The following CACNA2D1 variants were observed in gnomAD, a reference collection of about 807,000 sequenced individuals.
CACNA2D1 encodes voltage-dependent calcium channel subunit alpha-2/delta-1.
CACNA2D1 carries 53 observed loss-of-function variants against 171.5 expected under a neutral mutation model. That is an observed-to-expected ratio of 0.31 (90% CI 0.25 to 0.39). The LOEUF is 0.39. CACNA2D1 is among the 10% of genes least tolerant of loss of function. The pLI is 1.00. For missense variants in CACNA2D1, 903 were observed against 1,299.8 expected (o/e 0.69, Z 4.69); for synonymous variants, 442 against 443.1 (o/e 1.00, Z 0.03).
chr7:82,339,205 C>T (rs1818330928), intron 2 of CACNA2D1, among the ~76,000 whole-genome samples: 1 of 152,168 alleles, frequency 6.6e-6, no homozygotes, highest in African/African-American at 2.4e-5. Flanking sequence ...AAGAGGCTAA[C>T]CTTCAAGTGA....
At chr7:82,084,279 A>C (rs1210910885) in intron 7 of CACNA2D1, among the ~76,000 whole-genome samples, 1 of 152,074 alleles carries the variant, frequency 6.6e-6, no homozygotes, top group Non-Finnish European at 1.5e-5. Context: ...ATAACCTGAC[A>C]CATAAGAAAA....
chr7:82,417,647 G>A (rs1340695407), intron 1 of CACNA2D1, among the ~76,000 whole-genome samples: 1 of 152,088 alleles, frequency 6.6e-6, no homozygotes, highest in East Asian at 1.9e-4. Context: ...TTTCAACCCA[G>A]GGTGATTTTG....
chr7:82,099,294 T>C (rs991849004), intron 6 of CACNA2D1, among the ~76,000 whole-genome samples: 1 of 152,130 alleles, frequency 6.6e-6, no homozygotes, highest in Non-Finnish European at 1.5e-5. Context: ...CCATTCACTA[T>C]TCCTAGATGT....
intron 1 of CACNA2D1, among the ~76,000 whole-genome samples, chr7:82,369,128 T>C (rs1027173699): frequency 1.3e-5 from 2 of 152,140 alleles, no homozygotes; most frequent in Non-Finnish European, 2.9e-5. Flanking sequence ...TTTAGGATGC[T>C]ATAAAATTTA....
intron 3 of CACNA2D1, among the ~76,000 whole-genome samples, chr7:82,203,699 G>A (rs1159633339): frequency 7.2e-5 from 11 of 152,196 alleles, no homozygotes; most frequent in African/African-American, 1.9e-4. Flanking sequence ...TGGAGTGCTT[G>A]AGAACACCAG....
At chr7:82,325,060 C>T (rs954151855) in intron 3 of CACNA2D1, among the ~76,000 whole-genome samples, 3 of 152,150 alleles carry the variant, frequency 2.0e-5, no homozygotes, top group Non-Finnish European at 2.9e-5. Flanking sequence ...TTAGTTGGCA[C>T]CTGCACTACA....
chr7:81,966,468 C>T (rs1182716603), intron 31 of CACNA2D1, among the ~76,000 whole-genome samples: 1 of 151,358 alleles, frequency 6.6e-6, no homozygotes, highest in Non-Finnish European at 1.5e-5. Context: ...CATAATTTCA[C>T]AGGAGTAGGA....
intron 6 of CACNA2D1, among the ~76,000 whole-genome samples, chr7:82,089,858 T>G (rs1810926530): frequency 6.6e-6 from 1 of 152,192 alleles, no homozygotes. Context: ...GAATTAAGTT[T>G]GTATTAAGTT....
intron 10 of CACNA2D1, among the ~76,000 whole-genome samples, chr7:82,055,757 C>A: frequency 1.1e-5 from 1 of 90,368 alleles, no homozygotes; most frequent in Admixed American, 1.8e-4. Context: ...ACACCAGGTC[C>A]TGTTGTAGGG....
rs921361586 is a variant in CACNA2D1, at chr7:81,991,256, A to T, written c.1735-10T>A. The T allele has an allele frequency of 7.1e-7, 1 of 1,399,454 alleles. No individual in the cohort carries two copies. The highest frequency in any genetic ancestry group is 1.4e-5 in the African/African-American group (1 of 70,706). The allele number at this position is 1,399,454 out of a possible 1,614,324, so 86.7% of individuals were successfully genotyped here. A position where few individuals can be genotyped will look rare whatever the true frequency, so the allele number is the denominator to read the frequency against. On this transcript the variant is annotated splice_polypyrimidine_tract_variant and intron_variant, in intron 20 of 38. Coordinates refer to ENST00000356860, the MANE Select transcript of CACNA2D1 (RefSeq NM_000722.4). ...CTTTGTCAATATATCTCTAGAAAGAAGTTTAACGTGGTTATTATCACTTTA... is the reference window on the plus strand; with the variant it reads ...CTTTGTCAATATATCTCTAGAAAGATGTTTAACGTGGTTATTATCACTTTA...
At chr7:82,053,025 G>A (rs1036732071) in intron 10 of CACNA2D1, among the ~76,000 whole-genome samples, 4 of 152,036 alleles carry the variant, frequency 2.6e-5, no homozygotes, top group Non-Finnish European at 5.9e-5. Context: ...GGCAGAGGCG[G>A]GCGGATCACA....
intron 3 of CACNA2D1, among the ~76,000 whole-genome samples, chr7:82,209,558 A>T (rs1800349824): frequency 6.6e-6 from 1 of 152,166 alleles, no homozygotes; most frequent in Non-Finnish European, 1.5e-5. Flanking sequence ...AAGCAGCCCC[A>T]TGAATATAAA....
Position 82,007,038 on chromosome 7 carries a change from C to T in CACNA2D1, c.1440+641G>A, listed in dbSNP as rs561933577. ...CAAGCTAAAAAATTGGAATGCAATC[C>T]TATTTAAAATCAAAAGCATTTAACA... On this transcript the variant is annotated intron_variant, in intron 16 of 38. Transcript: ENST00000356860. 1.4e-4 allele frequency among the ~76,000 whole-genome samples: 22 copies of T among 152,012 alleles called. No individual in the cohort carries two copies. In the South Asian group the frequency reaches 4.6e-3, roughly 32 times the overall value.
At chr7:81,988,612 A>T (rs1584306511) in intron 21 of CACNA2D1, among the ~76,000 whole-genome samples, 1 of 152,318 alleles carries the variant, frequency 6.6e-6, no homozygotes, top group Non-Finnish European at 1.5e-5. Flanking sequence ...CTGTATATTA[A>T]TATGTAGTTA....
intron 3 of CACNA2D1, among the ~76,000 whole-genome samples, chr7:82,232,587 C>T (rs1300970461): frequency 4.0e-5 from 6 of 151,870 alleles, no homozygotes; most frequent in East Asian, 1.9e-4. Flanking sequence ...CTTGGTTGGC[C>T]GGGTGCAGTG....
chr7:82,219,680 C>T (rs1356919404), intron 3 of CACNA2D1, among the ~76,000 whole-genome samples: 1 of 152,022 alleles, frequency 6.6e-6, no homozygotes, highest in Non-Finnish European at 1.5e-5. Flanking sequence ...AGAAAACTGT[C>T]ATAATAGTTA....
chr7:82,128,588 T>C (rs961108981), intron 5 of CACNA2D1, among the ~76,000 whole-genome samples: 1 of 152,184 alleles, frequency 6.6e-6, no homozygotes, highest in African/African-American at 2.4e-5. Context: ...CCATGCATCA[T>C]CATTATAATG....
chr7:82,269,273 C>CA (rs1808317096), intron 3 of CACNA2D1, among the ~76,000 whole-genome samples: 1 of 152,084 alleles, frequency 6.6e-6, no homozygotes. Flanking sequence ...TGTAAATTTA[C>CA]AAAAATACCA....
intron 4 of CACNA2D1, among the ~76,000 whole-genome samples, chr7:82,161,858 A>T (rs1460515346): frequency 6.6e-6 from 1 of 152,058 alleles, no homozygotes; most frequent in Non-Finnish European, 1.5e-5. Flanking sequence ...GAATATGGGC[A>T]TTAAAGATGA....
Sources: allele counts gnomAD v4.1 joint callset (sites outside exome capture counted in the v4.1 genomes callset), GRCh38; gene constraint gnomAD v4.1.1; transcripts MANE v1.5; gene names NCBI Gene and HGNC (gene_info 2026-07-23, HGNC 2026-07-21).